The following ATP2A1 variants were observed in gnomAD, a reference collection of about 807,000 sequenced individuals.
The protein encoded by ATP2A1 is ATPase sarcoplasmic/endoplasmic reticulum Ca2+ transporting 1, also known as sarcoplasmic/endoplasmic reticulum calcium ATPase 1.
ATP2A1 carries 83 observed loss-of-function variants against 109.5 expected under a neutral mutation model. The ratio of observed to expected loss-of-function variants is 0.76; its 90% CI spans 0.63 to 0.91. ATP2A1 has a LOEUF of 0.91. ATP2A1 is among the 40% of genes least tolerant of loss of function. The pLI is 0.00. For missense variants in ATP2A1, 1,101 were observed against 1,341.0 expected (o/e 0.82, Z 2.80); for synonymous variants, 505 against 537.6 (o/e 0.94, Z 0.84).
At chr16:28,884,892 G>C (rs1040667989) in intron 6 of ATP2A1, among the ~76,000 whole-genome samples, 3 of 152,170 alleles carry the variant, frequency 2.0e-5, no homozygotes, top group Admixed American at 1.3e-4. Context: ...AGGCAGCAGT[G>C]AGCTGTGATC....
chr16:28,901,054 T>C (rs1964061061), intron 15 of ATP2A1, 138 bp downstream of exon 15: 7 of 1,216,866 alleles, frequency 5.8e-6, no homozygotes, highest in East Asian at 5.0e-5. Flanking sequence ...AGGAAGAGTC[T>C]GAAGGAGGAT....
chr16:28,895,228 A>G (rs1048707010), intron 12 of ATP2A1, among the ~76,000 whole-genome samples: 7 of 152,330 alleles, frequency 4.6e-5, no homozygotes, highest in African/African-American at 7.2e-5. Flanking sequence ...ACCACAAGGG[A>G]CCCATCCAGG....
intron 12 of ATP2A1, among the ~76,000 whole-genome samples, chr16:28,897,777 A>G (rs1223493665): frequency 6.6e-6 from 1 of 152,146 alleles, no homozygotes; most frequent in East Asian, 1.9e-4. Context: ...GCCAATAATG[A>G]AAGTTCTGTG....
chr16:28,882,367 T>A, intron 4 of ATP2A1, 84 bp from the exon 5 acceptor site: 1 of 1,600,354 alleles, frequency 6.2e-7, no homozygotes. Flanking sequence ...TGTGGGGTTT[T>A]GTTGCCTCCC....
intron 9 of ATP2A1, among the ~76,000 whole-genome samples, chr16:28,889,359 C>T (rs184697145): frequency 5.2e-4 from 79 of 152,178 alleles, no homozygotes; most frequent in Non-Finnish European, 1.0e-3. Flanking sequence ...CGGGTTCAAG[C>T]GATTCATCTG....
intron 4 of ATP2A1, among the ~76,000 whole-genome samples, chr16:28,882,179 G>A (rs967422109): frequency 3.7e-5 from 5 of 135,168 alleles, no homozygotes; most frequent in Admixed American, 8.7e-5. Context: ...GGCTGGTCTC[G>A]AACTCCTGAC....
chr16:28,881,237 C>T (rs773651258), intron 4 of ATP2A1, among the ~76,000 whole-genome samples: 6 of 152,166 alleles, frequency 3.9e-5, no homozygotes, highest in Non-Finnish European at 8.8e-5. Flanking sequence ...TCCTTCATCC[C>T]TCTGAGCCTC....
Position 28,904,284 on chromosome 16 carries a change from C to T in ATP2A1, c.*142C>T, listed in dbSNP as rs1567493458. 3.1e-6 allele frequency: 5 copies of T among 1,611,622 alleles called. No homozygotes were observed. Among genetic ancestry groups the T allele is most frequent in the Non-Finnish European group, 3.4e-6 (4 of 1,179,112 alleles). On this transcript the variant is annotated 3_prime_UTR_variant, in exon 23 of 23. Coordinates refer to ENST00000395503, the MANE Select transcript of ATP2A1 (RefSeq NM_004320.6). ...GCTGTGGCACAGACCCCCGTCCTGT[C>T]CCCCACACCCGTGTCATGTGTCTGT...
At chr16:28,900,245 G>A (rs1020068391) in intron 14 of ATP2A1, among the ~76,000 whole-genome samples, 9 of 151,754 alleles carry the variant, frequency 5.9e-5, no homozygotes, top group Non-Finnish European at 1.2e-4. Flanking sequence ...AGGCTGCAGT[G>A]AGCTATGATC....
intron 6 of ATP2A1, among the ~76,000 whole-genome samples, chr16:28,886,412 G>A (rs1963614089): frequency 6.6e-6 from 1 of 152,050 alleles, no homozygotes; most frequent in Admixed American, 6.6e-5. Context: ...CATTCCCCAT[G>A]GTCCCAGGGG....
At chr16:28,889,893 C>G (rs953374601) in intron 9 of ATP2A1, among the ~76,000 whole-genome samples, 12 of 152,124 alleles carry the variant, frequency 7.9e-5, no homozygotes, top group African/African-American at 2.9e-4. Flanking sequence ...CCTGTAATCC[C>G]AACACTTTGG....
At chr16:28,891,342 C>G (rs913904954) in intron 9 of ATP2A1, among the ~76,000 whole-genome samples, 3 of 151,964 alleles carry the variant, frequency 2.0e-5, no homozygotes. Flanking sequence ...CGACTGTAAT[C>G]CCAGCACTTT....
chr16:28,880,080 G>A lies in ATP2A1; in HGVS notation c.219+497G>A, dbSNP rs1277377092. On this transcript the variant is annotated intron_variant, in intron 3 of 22. Coordinates refer to ENST00000395503, the MANE Select transcript of ATP2A1 (RefSeq NM_004320.6). This position sits in a 1 kb window ranked among gnomAD's most constrained non-coding sequence, Gnocchi z 4.2. ...CGCGGCGGTGTGATGATGACTCCAA[G>A]GAGCCCGGCGCCCGGTCAGGGAGGG... The A allele has an allele frequency of 5.0e-6, 5 of 999,256 alleles. No homozygotes were observed. In the Admixed American group the frequency reaches 3.0e-4, roughly 61 times the overall value. The allele number at this position is 999,256 out of a possible 1,614,324, so 61.9% of individuals were successfully genotyped here. A position where few individuals can be genotyped will look rare whatever the true frequency, so the allele number is the denominator to read the frequency against.
intron 5 of ATP2A1, 71 bp downstream of exon 5, chr16:28,882,660 G>C: frequency 6.3e-7 from 1 of 1,587,602 alleles, no homozygotes; most frequent in Non-Finnish European, 8.6e-7. Context: ...CCGGGGGCTG[G>C]TCAGGCTCGG....
At chr16:28,899,715 C>G (rs1405273279) in intron 14 of ATP2A1, among the ~76,000 whole-genome samples, 1 of 132,680 alleles carries the variant, frequency 7.5e-6, no homozygotes, top group Non-Finnish European at 1.6e-5. Context: ...AATGCCAGCA[C>G]TTTGGGAGGC....
In ATP2A1 at chr16:28,903,386, C is replaced by T. The variant is rs1964148288; in HGVS notation, c.2926C>T (p.Pro976Ser). 1.2e-6 allele frequency: 2 copies of T among 1,613,926 alleles called. No homozygotes were observed. The highest frequency in any genetic ancestry group is 1.7e-6 in the Non-Finnish European group (2 of 1,179,978). Residue 976 changes from proline (P) to serine (S), a missense_variant, in exon 21 of 23, where the codon CCA (proline) becomes TCA (serine). Pro to Ser is a moderately conservative substitution (Grantham distance 74). Coordinates refer to ENST00000395503, the MANE Select transcript of ATP2A1 (RefSeq NM_004320.6). This position sits in a 1 kb window ranked among gnomAD's most constrained non-coding sequence, Gnocchi z 5.6. ...QWLMVLKISL[P>S]VIGLDEILKF... ...GCTCATGGTCCTCAAGATCTCACTGCCAGTCATTGGGCTCGACGAAATCCT... is the reference window on the plus strand; with the variant it reads ...GCTCATGGTCCTCAAGATCTCACTGTCAGTCATTGGGCTCGACGAAATCCT...
chr16:28,891,953 G>C (rs1963785222), intron 9 of ATP2A1, among the ~76,000 whole-genome samples: 1 of 151,890 alleles, frequency 6.6e-6, no homozygotes, highest in Non-Finnish European at 1.5e-5. Context: ...GGGTTACAGA[G>C]GAAACCAATG....
rs780795453 is a variant in ATP2A1 at position 28,894,494 on chromosome 16, C to T, written c.1185-11C>T. ...TGTCTCTGTCCCTTCCTCCCCTGAC[C>T]CTGCTGCCAGCTTGAAGAATGATAA... On this transcript the variant is annotated splice_polypyrimidine_tract_variant and intron_variant, in intron 10 of 22. Transcript: ENST00000395503. 289 of 1,612,912 alleles carry T rather than the reference C, an allele frequency of 1.8e-4. 2 individuals are homozygous for T. Among genetic ancestry groups the T allele is most frequent in the Admixed American group, 9.0e-4 (54 of 59,914 alleles).
rs1012122073 is a variant in ATP2A1 at position 28,889,618 on chromosome 16, G to A, written c.1095+665G>A. 4.6e-5 allele frequency among the ~76,000 whole-genome samples: 7 copies of A among 152,216 alleles called. No homozygotes were observed. In the East Asian group the frequency reaches 1.4e-3, roughly 29 times the overall value. ...GAGATTAAATGACTTCCCCCAAGAT[G>A]CACAGTTAATAAATAACAGAGTTGA... On this transcript the variant is annotated intron_variant, in intron 9 of 22. Coordinates refer to ENST00000395503, the MANE Select transcript of ATP2A1 (RefSeq NM_004320.6).
Sources: allele counts gnomAD v4.1 joint callset (sites outside exome capture counted in the v4.1 genomes callset), GRCh38; gene constraint gnomAD v4.1.1; non-coding constraint Gnocchi (gnomAD v3.1); transcripts MANE v1.5; gene names NCBI Gene and HGNC (gene_info 2026-07-23, HGNC 2026-07-21).